Variants in LGR4 observed in about 807,000 individuals in gnomAD.
LGR4 encodes leucine-rich repeat-containing G protein-coupled receptor 4.
A neutral mutation model predicts 84.8 loss-of-function variants in LGR4; 44 were observed. The observed-to-expected ratio is 0.52, with a 90% CI of 0.41 to 0.67. The LOEUF (loss-of-function observed/expected upper bound fraction) is 0.67. Among genes scored for constraint, LGR4 ranks in the 30% least tolerant of loss-of-function variants. The pLI is 0.00. For missense variants in LGR4, 1,032 were observed against 1,131.4 expected, an observed-to-expected ratio of 0.91 and a Z score of 1.26; for synonymous variants, 429 against 434.3, an observed-to-expected ratio of 0.99 and a Z score of 0.15.
intron 2 of LGR4, among the ~76,000 whole-genome samples, chr11:27,400,042 T>A (rs886896542): frequency 1.2e-4 from 18 of 152,180 alleles, no homozygotes; most frequent in Non-Finnish European, 2.5e-4. Flanking sequence ...CCTATTATTA[T>A]ACAGGTTGAG....
chr11:27,388,048 A>G (rs546922817), intron 4 of LGR4, among the ~76,000 whole-genome samples: 3 of 152,338 alleles, frequency 2.0e-5, no homozygotes, highest in African/African-American at 7.2e-5. Context: ...ATAGCATAAT[A>G]CAACAATAAA....
intron 1 of LGR4, among the ~76,000 whole-genome samples, chr11:27,431,196 T>C (rs532051779): frequency 6.6e-6 from 1 of 152,326 alleles, no homozygotes; most frequent in South Asian, 2.1e-4. Context: ...CGAGGGGTTC[T>C]CAGAAAGTGG....
intron 1 of LGR4, among the ~76,000 whole-genome samples, chr11:27,458,175 A>C (rs945689311): frequency 6.6e-6 from 1 of 152,170 alleles, no homozygotes; most frequent in African/African-American, 2.4e-5. Context: ...TAATATACGC[A>C]ACATGTTAGA....
intron 16 of LGR4, among the ~76,000 whole-genome samples, chr11:27,371,918 G>A (rs1173158589): frequency 6.6e-6 from 1 of 151,998 alleles, no homozygotes; most frequent in African/African-American, 2.4e-5. Context: ...GGAATGCATT[G>A]GCACAATCAT....
intron 1 of LGR4, among the ~76,000 whole-genome samples, chr11:27,450,443 G>A (rs904290407): frequency 9.2e-5 from 14 of 152,096 alleles, no homozygotes; most frequent in African/African-American, 2.7e-4. Context: ...GAAATGAAAC[G>A]GAACTTCCCA....
chr11:27,383,688 T>C (rs1386782222), intron 6 of LGR4, among the ~76,000 whole-genome samples: 3 of 152,146 alleles, frequency 2.0e-5, no homozygotes. Context: ...TCTGAATCAT[T>C]TACTCATCAC....
chr11:27,377,255 T>C (rs755483529), intron 11 of LGR4, 32 bp from the exon 12 acceptor site: 1 of 1,123,184 alleles, frequency 8.9e-7, no homozygotes, highest in Admixed American at 1.9e-5. Flanking sequence ...AAATTAATGC[T>C]ATGTTATCAG....
intron 1 of LGR4, among the ~76,000 whole-genome samples, chr11:27,452,000 T>C (rs1864489628): frequency 6.6e-6 from 1 of 152,170 alleles, no homozygotes; most frequent in South Asian, 2.1e-4. Context: ...AATGTGGGCA[T>C]GAAGCTGGGG....
chr11:27,366,864 G>A lies in LGR4; in HGVS notation c.*1003C>T, dbSNP rs1222677416. 1 of 152,032 alleles carries A rather than the reference G, an allele frequency of 6.6e-6. No individual in the cohort carries two copies. Among genetic ancestry groups the A allele is most frequent in the Non-Finnish European group, 1.5e-5 (1 of 67,962 alleles). The allele number at this position is 152,032 out of a possible 1,614,324, so 9.4% of individuals were successfully genotyped here. ...GGTTCAAGATAATCCAGCTCACTAA[G>A]AAATAAACATAAGTACTTCGTGTCA... is the stretch of plus-strand genomic sequence containing the variant. On this transcript the variant is annotated 3_prime_UTR_variant, in exon 18 of 18. Coordinates refer to ENST00000379214, the MANE Select transcript of LGR4 (RefSeq NM_018490.5).
At chr11:27,385,496 A>G (rs1203627037) in intron 4 of LGR4, 28 bp from the exon 5 acceptor site, 2 of 1,471,468 alleles carry the variant, frequency 1.4e-6, no homozygotes, top group Non-Finnish European at 1.9e-6. Context: ...AACCATGTTC[A>G]GTAACAAATT....
chr11:27,373,790 G>T, intron 14 of LGR4, 114 bp from the exon 15 acceptor site: 1 of 1,110,656 alleles, frequency 9.0e-7, no homozygotes, highest in Non-Finnish European at 1.3e-6. Flanking sequence ...TCAAGTGGGG[G>T]TGCTAAAATT....
intron 1 of LGR4, among the ~76,000 whole-genome samples, chr11:27,443,200 C>CA: frequency 6.6e-6 from 1 of 152,310 alleles, no homozygotes; most frequent in Admixed American, 6.5e-5. Flanking sequence ...CCCCATCTCC[C>CA]ACTCCATTGT....
chr11:27,452,871 T>C (rs975113726), intron 1 of LGR4, among the ~76,000 whole-genome samples: 2 of 151,838 alleles, frequency 1.3e-5, no homozygotes, highest in South Asian at 2.1e-4. Flanking sequence ...CTTAATACCG[T>C]TGAAAACTAT....
Position 27,472,240 on chromosome 11 carries a change from G to A in LGR4, c.63C>T (p.Pro21=), listed in dbSNP as rs1316753782. Residue 21 remains proline (P), a synonymous_variant, in exon 1 of 18, where the codon CCC becomes CCT. Coordinates refer to ENST00000379214, the MANE Select transcript of LGR4 (RefSeq NM_018490.5). The stretch of plus-strand genomic sequence containing the variant: ...CGCAGAGAGGCGGCGCCGCGCCGCT[G>A]GGCCCGGCCGAGCCGAGCAGCCCCA... The part of the protein sequence containing the change: ...LALGLLGSAG[P]SGAAPPLCAA... 1 of 1,330,620 alleles carries A rather than the reference G, an allele frequency of 7.5e-7. No homozygotes were observed. The highest frequency in any genetic ancestry group is 1.9e-5 in the South Asian group (1 of 53,096). 82.4% of individuals were successfully genotyped at this position (1,330,620 alleles called of 1,614,324 possible).
chr11:27,443,304 T>G (rs1045899600), intron 1 of LGR4, among the ~76,000 whole-genome samples: 5 of 152,294 alleles, frequency 3.3e-5, no homozygotes, highest in African/African-American at 1.2e-4. Flanking sequence ...GTAATACCAC[T>G]GCACGATGGG....
At chr11:27,468,199 C>G (rs1462433595) in intron 1 of LGR4, among the ~76,000 whole-genome samples, 1 of 152,078 alleles carries the variant, frequency 6.6e-6, no homozygotes, top group African/African-American at 2.4e-5. Context: ...TCAGGTAACT[C>G]AATTCTAAAT....
chr11:27,423,178 C>T (rs1863954109), intron 1 of LGR4, among the ~76,000 whole-genome samples: 1 of 152,320 alleles, frequency 6.6e-6, no homozygotes, highest in Admixed American at 6.5e-5. Context: ...TTCCAATAAG[C>T]ACTGTTTGTA....
At chr11:27,423,103 GA>G (rs1170328433) in intron 1 of LGR4, among the ~76,000 whole-genome samples, 3 of 151,688 alleles carry the variant, frequency 2.0e-5, no homozygotes, top group Admixed American at 6.6e-5. Flanking sequence ...AAAACAAAGG[GA>G]AAAAAACACA....
chr11:27,444,960 A>G (rs976864049), intron 1 of LGR4, among the ~76,000 whole-genome samples: 6 of 152,120 alleles, frequency 3.9e-5, no homozygotes, highest in Admixed American at 2.0e-4. Context: ...CATTCTGGGG[A>G]GTTACTTTCA....
Sources: gnomAD v4.1 joint callset for allele counts (sites outside exome capture counted in the v4.1 genomes callset) on GRCh38, gnomAD v4.1.1 for gene constraint, MANE v1.5 for transcripts, NCBI Gene and HGNC (gene_info 2026-07-23, HGNC 2026-07-21) for gene names.